TRDMT1: variants seen among roughly 807,000 people sequenced by gnomAD.
TRDMT1 encodes the protein tRNA aspartic acid methyltransferase 1, also known as tRNA (cytosine(38)-C(5))-methyltransferase.
A neutral mutation model predicts 51.2 loss-of-function variants in TRDMT1; 49 were observed. The observed-to-expected ratio is 0.96, with a 90% CI of 0.76 to 1.21. The LOEUF (loss-of-function observed/expected upper bound fraction) is 1.21, where lower values mean the gene tolerates loss of function less well. Ranked by LOEUF, TRDMT1 falls within the 50% of genes most tolerant of loss-of-function variation. The pLI is 0.00. For synonymous variants in TRDMT1, 187 were observed against 164.6 expected (o/e 1.14, Z -1.04); for missense variants, 534 against 462.3 (o/e 1.16, Z -1.42).
At position 17,148,487 on chromosome 10, in the gene TRDMT1, A is replaced by G. The variant is rs1838306250; in HGVS notation, c.*553T>C. 13 of 985,424 alleles carry G rather than the reference A, an allele frequency of 1.3e-5. No homozygotes were observed. Among genetic ancestry groups the G allele is most frequent in the Non-Finnish European group, 1.6e-5 (13 of 829,932 alleles). 61.0% of individuals were successfully genotyped at this position (985,424 alleles called of 1,614,324 possible). A position where few individuals can be genotyped will look rare whatever the true frequency, so the allele number is the denominator to read the frequency against. On this transcript the variant is annotated 3_prime_UTR_variant, in exon 11 of 11. Transcript: ENST00000377799. ...ATGGAGAGGTAATCAAACATTTAGGATTATTTTTCCTGACATATTCTTCAG... is the reference window on the plus strand; with the variant it reads ...ATGGAGAGGTAATCAAACATTTAGGGTTATTTTTCCTGACATATTCTTCAG...
At position 17,139,991 on chromosome 10, in the gene TRDMT1, A is replaced by C. The variant is rs189300173; in HGVS notation, c.*9049T>G. 3.2e-4 allele frequency among the ~76,000 whole-genome samples: 46 copies of C among 144,044 alleles called. No homozygotes were observed. The East Asian group carries it at 9.3e-3, about 29-fold the overall frequency. The allele number at this position is 144,044 out of a possible 152,430, so 94.5% of individuals were successfully genotyped here. ...AGACATAAACAATACCCTAGGAGTT[A>C]TACACAATTTTGGCATTAAATATTC... is the stretch of plus-strand genomic sequence containing the variant. On this transcript the variant is annotated 3_prime_UTR_variant, in exon 11 of 11. Coordinates refer to ENST00000377799, the MANE Select transcript of TRDMT1 (RefSeq NM_004412.7).
intron 1 of TRDMT1, among the ~76,000 whole-genome samples, chr10:17,193,381 T>C (rs1371949035): frequency 1.3e-5 from 2 of 152,106 alleles, no homozygotes; most frequent in Non-Finnish European, 2.9e-5. Context: ...TCTTTGCAGA[T>C]GATATTATTT....
intron 3 of TRDMT1, among the ~76,000 whole-genome samples, chr10:17,163,295 G>A (rs1840687194): frequency 6.6e-6 from 1 of 152,028 alleles, no homozygotes; most frequent in Non-Finnish European, 1.5e-5. Flanking sequence ...CGAGCAGCAG[G>A]AATAGAGGAT....
rs772222693 is a variant in TRDMT1, at chr10:17,139,110, T to C, written c.*9930A>G. 102 of 933,578 alleles carry C rather than the reference T, an allele frequency of 1.1e-4. No homozygotes were observed. The highest frequency in any genetic ancestry group is 1.5e-4 in the South Asian group (3 of 20,292). 57.8% of individuals were successfully genotyped at this position (933,578 alleles called of 1,614,324 possible). A position where few individuals can be genotyped will look rare whatever the true frequency, so the allele number is the denominator to read the frequency against. ...CGGAATGGGGACTTCAGCAGCTCCA[T>C]TGGATTAATCCAAGCTTGGTTTCCA... On this transcript the variant is annotated 3_prime_UTR_variant, in exon 11 of 11. Transcript: ENST00000377799.
At chr10:17,188,745 G>A (rs2131592115) in intron 1 of TRDMT1, among the ~76,000 whole-genome samples, 1 of 152,284 alleles carries the variant, frequency 6.6e-6, no homozygotes, top group Middle Eastern at 3.4e-3. Flanking sequence ...AGAGTTACTT[G>A]AGAACTAGCC....
chr10:17,149,180 T>C (rs767715071), intron 10 of TRDMT1, 40 bp from the exon 11 acceptor site: 2 of 1,511,570 alleles, frequency 1.3e-6, no homozygotes, highest in East Asian at 4.5e-5. Flanking sequence ...TCATTTGTAA[T>C]CACAATTTCC....
At chr10:17,184,063 C>CA (rs1260206476) in intron 1 of TRDMT1, among the ~76,000 whole-genome samples, 1 of 152,090 alleles carries the variant, frequency 6.6e-6, no homozygotes, top group South Asian at 2.1e-4. Context: ...AGCATACGCC[C>CA]AAAAAATGTA....
chr10:17,141,330 T>G lies in TRDMT1; in HGVS notation c.*7710A>C, dbSNP rs911048951. ...GCATGCACCACCATGCCCGGCTAAT[T>G]TTTTTGATTTTAGTAGAGACGGGGT... On this transcript the variant is annotated 3_prime_UTR_variant, in exon 11 of 11. Transcript: ENST00000377799. Among the ~76,000 whole-genome samples the G allele has an allele frequency of 1.3e-5, 2 of 152,124 alleles. No individual in the cohort carries two copies. The highest frequency in any genetic ancestry group is 2.9e-5 in the Non-Finnish European group (2 of 68,010).
chr10:17,152,149 G>T, intron 10 of TRDMT1: 1 of 1,180,298 alleles, frequency 8.5e-7, no homozygotes, highest in Non-Finnish European at 1.1e-6. Context: ...CTAGGAATGA[G>T]AATTCTTAAG....
At chr10:17,168,789 T>G in intron 3 of TRDMT1, 52 bp downstream of exon 3, 1 of 1,326,402 alleles carries the variant, frequency 7.5e-7, no homozygotes, top group Non-Finnish European at 1.1e-6. Context: ...TATGTCTTTA[T>G]CAGCAGCATG....
intron 1 of TRDMT1, among the ~76,000 whole-genome samples, chr10:17,183,256 T>G (rs1435565214): frequency 6.6e-6 from 1 of 152,062 alleles, no homozygotes; most frequent in Non-Finnish European, 1.5e-5. Flanking sequence ...TTTTATAAAG[T>G]GTATGTGTAT....
intron 1 of TRDMT1, among the ~76,000 whole-genome samples, chr10:17,178,478 C>G (rs1262003102): frequency 6.6e-6 from 1 of 152,056 alleles, no homozygotes; most frequent in African/African-American, 2.4e-5. Context: ...GAGTTTGAGA[C>G]CAGCCTGGCC....
intron 1 of TRDMT1, among the ~76,000 whole-genome samples, chr10:17,178,993 C>T (rs1427805143): frequency 6.6e-6 from 1 of 151,826 alleles, no homozygotes; most frequent in East Asian, 1.9e-4. Context: ...TACCAAAAGA[C>T]ATACCAGAGC....
intron 1 of TRDMT1, among the ~76,000 whole-genome samples, chr10:17,186,494 C>T (rs1362014972): frequency 2.0e-5 from 3 of 152,084 alleles, no homozygotes; most frequent in East Asian, 1.9e-4. Context: ...TAATGAGCCA[C>T]GTACTATGGG....
In TRDMT1 at chr10:17,144,440, A is replaced by G; in HGVS notation, c.*4600T>C. 1.0e-6 allele frequency: 1 copy of G among 985,618 alleles called. No individual in the cohort carries two copies. 61.1% of individuals were successfully genotyped at this position (985,618 alleles called of 1,614,324 possible). On this transcript the variant is annotated 3_prime_UTR_variant, in exon 11 of 11. Coordinates refer to ENST00000377799, the MANE Select transcript of TRDMT1 (RefSeq NM_004412.7). ...CAGTTCCTATCTTGTAATTTTTGTGAAAATTTCCGGTCTCATATTTATAGG... is the reference window on the plus strand; with the variant it reads ...CAGTTCCTATCTTGTAATTTTTGTGGAAATTTCCGGTCTCATATTTATAGG...
chr10:17,196,169 A>G (rs556251192), intron 1 of TRDMT1, among the ~76,000 whole-genome samples: 1 of 152,376 alleles, frequency 6.6e-6, no homozygotes, highest in Non-Finnish European at 1.5e-5. Context: ...AATACGTGAC[A>G]AATGAGATGC....
At chr10:17,149,213 T>C in intron 10 of TRDMT1, 73 bp from the exon 11 acceptor site, 8 of 1,174,458 alleles carry the variant, frequency 6.8e-6, no homozygotes, top group South Asian at 5.2e-5. Context: ...ATGTATCCTT[T>C]AGTAAGGGCA....
At chr10:17,165,351 C>A (rs928600711) in intron 3 of TRDMT1, among the ~76,000 whole-genome samples, 3 of 152,202 alleles carry the variant, frequency 2.0e-5, no homozygotes, top group Non-Finnish European at 4.4e-5. Flanking sequence ...CTTCCTTACA[C>A]CTTATACTAA....
At chr10:17,192,951 T>C (rs1844894544) in intron 1 of TRDMT1, among the ~76,000 whole-genome samples, 1 of 152,180 alleles carries the variant, frequency 6.6e-6, no homozygotes, top group Non-Finnish European at 1.5e-5. Flanking sequence ...AACATCATAC[T>C]GAGTGGGCAA....
Sources: gnomAD v4.1 joint callset for allele counts (sites outside exome capture counted in the v4.1 genomes callset) on GRCh38, gnomAD v4.1.1 for gene constraint, MANE v1.5 for transcripts, NCBI Gene and HGNC (gene_info 2026-07-23, HGNC 2026-07-21) for gene names.